The following TMEM40 variants were observed in gnomAD, a reference collection of about 807,000 sequenced individuals.
TMEM40 encodes transmembrane protein 40.
In TMEM40, 34 loss-of-function variants were observed where a neutral mutation model predicts 40.8. The observed-to-expected ratio is 0.83, with a 90% confidence interval of 0.63 to 1.11. The LOEUF (loss-of-function observed/expected upper bound fraction) is 1.11, where lower values mean the gene tolerates loss of function less well. Ranked by LOEUF, TMEM40 falls within the 50% of genes least tolerant of loss-of-function variation. The pLI is 0.00. For missense variants in TMEM40, 296 were observed against 280.2 expected, an observed-to-expected ratio of 1.06 and a Z score of -0.40; for synonymous variants, 106 against 107.0, an observed-to-expected ratio of 0.99 and a Z score of 0.06.
chr3:12,767,415 C>T (rs2061599010), intron 1 of TMEM40, among the ~76,000 whole-genome samples: 2 of 152,064 alleles, frequency 1.3e-5, no homozygotes, highest in South Asian at 4.1e-4. Flanking sequence ...ACTGTGGCAT[C>T]GATAGAAGAG....
chr3:12,749,686 T>G lies in TMEM40; in HGVS notation c.73+74A>C, dbSNP rs75552323. The G allele has an allele frequency of 0.014, 19,972 of 1,396,226 alleles. 903 individuals are homozygous for G. The African/African-American group carries it at 0.15, about 10-fold the overall frequency. The allele number at this position is 1,396,226 out of a possible 1,614,324, so 86.5% of individuals were successfully genotyped here. On this transcript the variant is annotated intron_variant, in intron 2 of 11. Coordinates refer to ENST00000314124, the MANE Select transcript of TMEM40 (RefSeq NM_018306.4). ...GTGCAACGTGAGTTGAGCAGGGTCT[T>G]CTTCTGTCCCTTCTACTTTTGGACT...
intron 5 of TMEM40, among the ~76,000 whole-genome samples, chr3:12,740,379 A>G (rs537700926): frequency 6.6e-6 from 1 of 151,074 alleles, no homozygotes; most frequent in South Asian, 2.1e-4. Context: ...CATGAGCCAC[A>G]GCGCCTGGCC....
upstream of TMEM40, among the ~76,000 whole-genome samples, chr3:12,760,626 T>G (rs2061563139): frequency 6.6e-6 from 1 of 152,254 alleles, no homozygotes; most frequent in South Asian, 2.1e-4. Context: ...GCTTTCCCTC[T>G]GCCTGCTTCA....
intron 1 of TMEM40, among the ~76,000 whole-genome samples, chr3:12,751,765 G>T (rs1490192753): frequency 6.6e-6 from 1 of 152,190 alleles, no homozygotes; most frequent in Non-Finnish European, 1.5e-5. Flanking sequence ...TTCATTGGCT[G>T]AGATCATCTC....
intron 2 of TMEM40, 38 bp downstream of exon 2, chr3:12,749,722 T>A: frequency 1.9e-6 from 3 of 1,591,722 alleles, no homozygotes; most frequent in Non-Finnish European, 2.6e-6. Flanking sequence ...CCACCTCCCA[T>A]GTGGTTTTGC....
intron 3 of TMEM40, among the ~76,000 whole-genome samples, chr3:12,747,830 G>C (rs561536565): frequency 6.8e-6 from 1 of 148,030 alleles, no homozygotes; most frequent in African/African-American, 2.5e-5. Context: ...AGAATCGCTT[G>C]AGCCCAGGAG....
upstream of TMEM40, among the ~76,000 whole-genome samples, chr3:12,761,332 C>T (rs568367006): frequency 6.6e-6 from 1 of 152,264 alleles, no homozygotes; most frequent in Admixed American, 6.5e-5. Context: ...TGCCTGGGAG[C>T]CGTGGCTCAC....
intron 3 of TMEM40, among the ~76,000 whole-genome samples, chr3:12,746,402 T>C (rs1370970652): frequency 2.6e-5 from 4 of 152,186 alleles, no homozygotes; most frequent in Admixed American, 2.6e-4. Context: ...TTTTCTCATA[T>C]TTTCTGTTTC....
At chr3:12,759,758 A>C (rs565516312), upstream of TMEM40, among the ~76,000 whole-genome samples, 7 of 152,298 alleles carry the variant, frequency 4.6e-5, no homozygotes, top group South Asian at 1.0e-3. Flanking sequence ...AAACTGGGTT[A>C]CAGCTAGAAG....
upstream of TMEM40, among the ~76,000 whole-genome samples, chr3:12,760,296 C>G (rs573327627): frequency 9.2e-5 from 14 of 152,294 alleles, no homozygotes; most frequent in African/African-American, 3.1e-4. Context: ...CGCTCAGCAG[C>G]TGCCACACTC....
chr3:12,755,225 C>CTTTCTTTCTTTCTTTCTT (rs59066900), intron 1 of TMEM40, among the ~76,000 whole-genome samples: 1 of 78,950 alleles, frequency 1.3e-5, no homozygotes, highest in African/African-American at 6.2e-5. Context: ...CTCTCTCTCT[C>CTTTCTTTCTTTCTTTCTT]TCTCTCTCTC....
intron 5 of TMEM40, among the ~76,000 whole-genome samples, chr3:12,739,884 C>T (rs893884116): frequency 4.6e-5 from 7 of 150,956 alleles, no homozygotes; most frequent in South Asian, 2.1e-4. Flanking sequence ...AGGGCAATGG[C>T]GCAATCATGA....
intron 3 of TMEM40, 74 bp from the exon 4 acceptor site, chr3:12,744,063 C>T (rs1281856011): frequency 6.8e-7 from 1 of 1,460,388 alleles, no homozygotes; most frequent in East Asian, 2.4e-5. Flanking sequence ...TTCTGGTGGC[C>T]ATTCTCAGAA....
chr3:12,767,061 T>C (rs1392616567), intron 1 of TMEM40, among the ~76,000 whole-genome samples: 1 of 151,936 alleles, frequency 6.6e-6, no homozygotes, highest in Non-Finnish European at 1.5e-5. Flanking sequence ...GTCCAGAAAA[T>C]ATGCACTTTC....
upstream of TMEM40, among the ~76,000 whole-genome samples, chr3:12,762,464 G>C (rs2061576147): frequency 6.6e-6 from 1 of 152,182 alleles, no homozygotes; most frequent in Admixed American, 6.5e-5. Flanking sequence ...TTATAAGTCT[G>C]TCTTCTCCAA....
intron 8 of TMEM40, chr3:12,737,451 C>T (rs2061345963): frequency 1.8e-6 from 1 of 568,868 alleles, no homozygotes; most frequent in South Asian, 2.2e-5. Flanking sequence ...AGCAGAGGAC[C>T]AGGGCTCAAG....
intron 3 of TMEM40, among the ~76,000 whole-genome samples, chr3:12,748,044 A>G (rs1442463681): frequency 6.6e-6 from 1 of 152,174 alleles, no homozygotes; most frequent in African/African-American, 2.4e-5. Flanking sequence ...TCGCACAAGG[A>G]TGCTCATGAG....
chr3:12,765,594 G>A (rs1259606741), intron 1 of TMEM40, among the ~76,000 whole-genome samples: 1 of 145,810 alleles, frequency 6.9e-6, no homozygotes, highest in East Asian at 2.0e-4. Context: ...TTGAGACGGA[G>A]TCTCGCTCTG....
In TMEM40 at chr3:12,748,564, A is replaced by C. The variant is rs556300804; in HGVS notation, c.211+91T>G. Reference sequence around the variant, plus strand: ...TGTGGAGAAACGGTATTGGAGTTTCAAGTACTTCAATGACTTCAAGTATGG... The same window carrying C: ...TGTGGAGAAACGGTATTGGAGTTTCCAGTACTTCAATGACTTCAAGTATGG... On this transcript the variant is annotated intron_variant, in intron 3 of 11. Coordinates refer to ENST00000314124, the MANE Select transcript of TMEM40 (RefSeq NM_018306.4). The C allele has an allele frequency of 1.8e-3, 2,636 of 1,497,518 alleles. 3 individuals carry two copies. Among genetic ancestry groups the C allele is most frequent in the Non-Finnish European group, 2.2e-3 (2,490 of 1,114,508 alleles). 92.8% of individuals were successfully genotyped at this position (1,497,518 alleles called of 1,614,324 possible).
Sources: allele counts gnomAD v4.1 joint callset (sites outside exome capture counted in the v4.1 genomes callset), GRCh38; gene constraint gnomAD v4.1.1; transcripts MANE v1.5; gene names NCBI Gene and HGNC (gene_info 2026-07-23, HGNC 2026-07-21).